Variants in ABHD18 observed in about 807,000 individuals in gnomAD.
The protein encoded by ABHD18 is cardiolipin-specific deacylase, mitochondrial.
ABHD18 carries 55 observed loss-of-function variants against 65.9 expected under a neutral mutation model. The ratio of observed to expected loss-of-function variants is 0.84; its 90% CI spans 0.67 to 1.05. ABHD18 has a LOEUF of 1.05. ABHD18 is among the 50% of genes least tolerant of loss of function. The pLI is 0.00. For synonymous variants in ABHD18, 181 were observed against 180.2 expected (o/e 1.00, Z -0.04); for missense variants, 533 against 558.5 (o/e 0.95, Z 0.46).
chr4:127,998,541 C>CTTTT (rs34575955), intron 4 of ABHD18, among the ~76,000 whole-genome samples: 1 of 142,984 alleles, frequency 7.0e-6, no homozygotes, highest in Non-Finnish European at 1.5e-5. Flanking sequence ...TCCCGGCTGA[C>CTTTT]TTTTTTTTTT....
At chr4:128,012,961 G>A (rs1192795221) in intron 7 of ABHD18, among the ~76,000 whole-genome samples, 3 of 151,262 alleles carry the variant, frequency 2.0e-5, no homozygotes, top group African/African-American at 4.9e-5. Context: ...AACTACTGGG[G>A]AGGCCGAGGC....
In ABHD18 at chr4:127,983,024, G is replaced by A; in HGVS notation, c.69G>A (p.Trp23Ter). The A allele has an allele frequency of 6.4e-7, 1 of 1,558,768 alleles. No individual in the cohort carries two copies. The highest frequency in any genetic ancestry group is 8.7e-7 in the Non-Finnish European group (1 of 1,150,186). The change falls in exon 2 of 13, where the codon TGG (tryptophan) becomes TGA (stop). Residue 23 changes from tryptophan to a stop codon, truncating the protein, a stop_gained. Coordinates refer to ENST00000645843, the MANE Select transcript of ABHD18 (RefSeq NM_001358451.3). LOFTEE classifies it high-confidence loss of function. ...LLLTKLFIRG[W>*]GRPEDLKRLF... ...TAACAAAACTTTTTATCAGAGGATG[G>A]GGAAGGCCAGAAGATCTCAAAAGGC...
chr4:128,035,772 T>G lies in ABHD18; in HGVS notation c.1354T>G (p.Tyr452Asp). 6.5e-7 allele frequency: 1 copy of G among 1,535,030 alleles called. No individual in the cohort carries two copies. The highest frequency in any genetic ancestry group is 1.2e-5 in the South Asian group (1 of 82,814). Residue 452 changes from tyrosine to aspartate, a missense_variant, in exon 13 of 13, where the codon TAT (tyrosine) becomes GAT (aspartate). By Grantham distance (160) the Tyr-to-Asp change is radical (BLOSUM62 -3). Coordinates refer to ENST00000645843, the MANE Select transcript of ABHD18 (RefSeq NM_001358451.3). ...CATATTTAATTTTAGACAAGCCATC[T>G]ATGATGCATTTGACCGCTTCCTCCA... ...FKQGLFRQAI[Y>D]DAFDRFLHKY...
rs76006312 is a variant in ABHD18 at position 127,974,294 on chromosome 4, C to T, written c.-17-8645C>T. Reference sequence around the variant, plus strand: ...CTCACTGCCACCTCACTCTCCTGGGCTCAAGCTATCCTCCTACCTCAGCCT... The same window carrying T: ...CTCACTGCCACCTCACTCTCCTGGGTTCAAGCTATCCTCCTACCTCAGCCT... On this transcript the variant is annotated intron_variant, in intron 1 of 12. Coordinates refer to ENST00000645843, the MANE Select transcript of ABHD18 (RefSeq NM_001358451.3). Among the ~76,000 whole-genome samples, 652 of 148,436 alleles carry T rather than the reference C, an allele frequency of 4.4e-3. 9 individuals carry two copies. The highest frequency in any genetic ancestry group is 0.015 in the African/African-American group (623 of 40,232).
At chr4:127,986,912 G>A (rs1296692547) in intron 3 of ABHD18, among the ~76,000 whole-genome samples, 7 of 152,116 alleles carry the variant, frequency 4.6e-5, no homozygotes, top group Non-Finnish European at 1.0e-4. Flanking sequence ...TTGTTGGGTT[G>A]TATATTGTTT....
chr4:127,986,746 G>T (rs1381086650), intron 3 of ABHD18, among the ~76,000 whole-genome samples: 1 of 152,148 alleles, frequency 6.6e-6, no homozygotes, highest in African/African-American at 2.4e-5. Context: ...CCATCATAGT[G>T]GGTATAAAAG....
intron 1 of ABHD18, among the ~76,000 whole-genome samples, chr4:127,981,319 T>C (rs1749002139): frequency 6.6e-6 from 1 of 152,216 alleles, no homozygotes; most frequent in African/African-American, 2.4e-5. Flanking sequence ...TCAAAGATTT[T>C]TTTAAATTAC....
intron 1 of ABHD18, among the ~76,000 whole-genome samples, chr4:127,980,434 T>C (rs1466694111): frequency 1.3e-5 from 2 of 152,032 alleles, no homozygotes; most frequent in East Asian, 3.9e-4. Context: ...CAAGACAGTG[T>C]GTGTAGGTAA....
chr4:128,004,866 C>T (rs990657592), intron 4 of ABHD18, among the ~76,000 whole-genome samples: 11 of 149,068 alleles, frequency 7.4e-5, no homozygotes, highest in East Asian at 2.0e-4. Context: ...GCTGAGATTG[C>T]GCCATTGCAC....
chr4:128,015,993 C>T lies in ABHD18; in HGVS notation c.471-1370C>T, dbSNP rs182000373. ...TTTGAGATGGAGCCTCACTCTGTCA[C>T]CCAGGCTGGAGTGCAGTGGCGCAAT... On this transcript the variant is annotated intron_variant, in intron 7 of 12. Transcript: ENST00000645843. 5.0e-3 allele frequency among the ~76,000 whole-genome samples: 729 copies of T among 146,870 alleles called. 7 individuals carry two copies. Among genetic ancestry groups the T allele is most frequent in the African/African-American group, 0.018 (702 of 39,476 alleles).
intron 1 of ABHD18, among the ~76,000 whole-genome samples, chr4:127,980,031 C>G (rs1273235138): frequency 6.6e-6 from 1 of 151,240 alleles, no homozygotes; most frequent in Non-Finnish European, 1.5e-5. Flanking sequence ...TGTTACATTA[C>G]TTTAGTAATT....
At chr4:127,977,467 C>T (rs1409038624) in intron 1 of ABHD18, among the ~76,000 whole-genome samples, 1 of 152,034 alleles carries the variant, frequency 6.6e-6, no homozygotes, top group Admixed American at 6.5e-5. Flanking sequence ...AGTGAAACTC[C>T]ATCTCAAAAA....
chr4:128,028,343 G>T, intron 10 of ABHD18, 132 bp from the exon 11 acceptor site: 2 of 674,902 alleles, frequency 3.0e-6, no homozygotes, highest in Non-Finnish European at 4.6e-6. Context: ...ATGTTTAATT[G>T]TTTGAATATA....
intron 10 of ABHD18, 115 bp downstream of exon 10, chr4:128,021,353 T>A (rs368345785): frequency 1.6e-6 from 1 of 632,058 alleles, no homozygotes; most frequent in African/African-American, 1.8e-5. Context: ...GTACATACTA[T>A]TTTTTACTTT....
rs1005253938 is a variant in ABHD18 at position 128,039,741 on chromosome 4, T to A, written c.*3928T>A. ...TTGTGCTTTTTTTCAAGAGGTATTA[T>A]TGTAAATACGGTAGACACATGTCAC... On this transcript the variant is annotated 3_prime_UTR_variant, in exon 13 of 13. Coordinates refer to ENST00000645843, the MANE Select transcript of ABHD18 (RefSeq NM_001358451.3). 2 of 152,202 alleles carry A rather than the reference T, an allele frequency of 1.3e-5. No homozygotes were observed. Among genetic ancestry groups the A allele is most frequent in the African/African-American group, 4.8e-5 (2 of 41,442 alleles). The allele number at this position is 152,202 out of a possible 1,614,324, so 9.4% of individuals were successfully genotyped here.
intron 2 of ABHD18, among the ~76,000 whole-genome samples, chr4:127,984,043 GA>G (rs35602390): frequency 0.036 from 5,017 of 137,768 alleles, 260 homozygotes; most frequent in East Asian, 0.25. Flanking sequence ...TCTCAAGGGG[GA>G]AAAAAAAAAA....
chr4:128,026,625 C>T (rs1757407936), intron 10 of ABHD18, among the ~76,000 whole-genome samples: 1 of 152,028 alleles, frequency 6.6e-6, no homozygotes, highest in South Asian at 2.1e-4. Context: ...TATATTTTCC[C>T]AGGCTGTCAT....
At chr4:127,997,986 C>G (rs1752025804) in intron 4 of ABHD18, among the ~76,000 whole-genome samples, 1 of 151,976 alleles carries the variant, frequency 6.6e-6, no homozygotes, top group Admixed American at 6.6e-5. Flanking sequence ...AACTCCTAGG[C>G]TTGGGTGACC....
chr4:128,014,999 C>T (rs781358423), intron 7 of ABHD18, among the ~76,000 whole-genome samples: 4 of 151,798 alleles, frequency 2.6e-5, no homozygotes, highest in Admixed American at 1.3e-4. Context: ...ATCGCTTGAA[C>T]CCAGGAGGCA....
Sources: allele counts gnomAD v4.1 joint callset (sites outside exome capture counted in the v4.1 genomes callset), GRCh38; gene constraint gnomAD v4.1.1; transcripts MANE v1.5; gene names NCBI Gene and HGNC (gene_info 2026-07-23, HGNC 2026-07-21).